Variants in SOCS5 observed in about 807,000 individuals in gnomAD.
The protein encoded by SOCS5 is suppressor of cytokine signaling 5, also known as CIS-6.
In SOCS5, 32 loss-of-function variants were observed where a neutral mutation model predicts 42.8. The ratio of observed to expected loss-of-function variants is 0.75; its 90% CI spans 0.56 to 1.01. The LOEUF is 1.01. SOCS5 is among the 50% of genes least tolerant of loss of function. The pLI is 0.00. For synonymous variants in SOCS5, 283 were observed against 229.6 expected (o/e 1.23, Z -2.10); for missense variants, 627 against 653.0 (o/e 0.96, Z 0.43).
chr2:46,738,072 G>A (rs1238534602), intron 1 of SOCS5, among the ~76,000 whole-genome samples: 1 of 152,190 alleles, frequency 6.6e-6, no homozygotes, highest in East Asian at 1.9e-4. Flanking sequence ...ACTTGATGTA[G>A]ATGTTAAAAT....
intron 1 of SOCS5, among the ~76,000 whole-genome samples, chr2:46,727,561 T>C (rs940687379): frequency 6.6e-6 from 1 of 152,158 alleles, no homozygotes; most frequent in African/African-American, 2.4e-5. Context: ...CTGTGGGTGG[T>C]GATTTCAATG....
At chr2:46,739,793 A>G (rs1259314506) in intron 1 of SOCS5, among the ~76,000 whole-genome samples, 1 of 152,236 alleles carries the variant, frequency 6.6e-6, no homozygotes, top group South Asian at 2.1e-4. Flanking sequence ...ACACATATGT[A>G]TACATGTCAG....
At chr2:46,731,474 AAATACT>A (rs1490705320) in intron 1 of SOCS5, among the ~76,000 whole-genome samples, 11 of 152,354 alleles carry the variant, frequency 7.2e-5, no homozygotes, top group South Asian at 4.1e-4. Flanking sequence ...GACAGCCAGA[AAATACT>A]AATACTAAGA....
At chr2:46,726,311 T>C (rs570218639) in intron 1 of SOCS5, among the ~76,000 whole-genome samples, 1 of 152,214 alleles carries the variant, frequency 6.6e-6, no homozygotes, top group Non-Finnish European at 1.5e-5. Flanking sequence ...CTGGCCAGAC[T>C]GATCTAAAAC....
At chr2:46,731,484 A>G (rs1286165516) in intron 1 of SOCS5, among the ~76,000 whole-genome samples, 1 of 152,240 alleles carries the variant, frequency 6.6e-6, no homozygotes, top group African/African-American at 2.4e-5. Context: ...AAATACTAAT[A>G]CTAAGACAAG....
intron 1 of SOCS5, among the ~76,000 whole-genome samples, chr2:46,706,943 A>G (rs1672506608): frequency 6.6e-6 from 1 of 152,236 alleles, no homozygotes; most frequent in Admixed American, 6.5e-5. Flanking sequence ...TTGGAATCTC[A>G]GAGTGAGATT....
chr2:46,726,818 G>A (rs910969956), intron 1 of SOCS5, among the ~76,000 whole-genome samples: 8 of 150,128 alleles, frequency 5.3e-5, no homozygotes, highest in Admixed American at 2.0e-4. Context: ...GTGCAATGGC[G>A]CGATCTTGGC....
intron 1 of SOCS5, among the ~76,000 whole-genome samples, chr2:46,701,667 G>T (rs1322467472): frequency 6.6e-6 from 1 of 151,292 alleles, no homozygotes; most frequent in Admixed American, 6.6e-5. Context: ...TGTAAAACTG[G>T]GTGAGCTTTT....
intron 1 of SOCS5, among the ~76,000 whole-genome samples, chr2:46,724,423 G>T (rs541366371): frequency 4.6e-5 from 7 of 151,872 alleles, no homozygotes; most frequent in Non-Finnish European, 8.8e-5. Context: ...TGTGATTTGG[G>T]TTTGTTTTGC....
intron 1 of SOCS5, among the ~76,000 whole-genome samples, chr2:46,723,572 T>C (rs754697160): frequency 5.3e-5 from 8 of 152,058 alleles, no homozygotes; most frequent in Non-Finnish European, 1.2e-4. Context: ...TCTTGCACTG[T>C]TGTCAGAAAT....
intron 1 of SOCS5, among the ~76,000 whole-genome samples, chr2:46,743,211 GTTC>G (rs1673417690): frequency 6.6e-6 from 1 of 152,074 alleles, no homozygotes; most frequent in South Asian, 2.1e-4. Flanking sequence ...CCAAGAGAAA[GTTC>G]TTGAGTCTTG....
chr2:46,755,731 A>G (rs1433388851), intron 1 of SOCS5, among the ~76,000 whole-genome samples: 3 of 152,162 alleles, frequency 2.0e-5, no homozygotes, highest in African/African-American at 7.2e-5. Flanking sequence ...TAGAGTTGTA[A>G]TTTAGATCTC....
chr2:46,749,993 G>A (rs1374705346), intron 1 of SOCS5, among the ~76,000 whole-genome samples: 2 of 152,124 alleles, frequency 1.3e-5, no homozygotes, highest in Admixed American at 1.3e-4. Context: ...TCTCCTATGA[G>A]CCATTTTATG....
At chr2:46,727,296 T>C (rs1482508324) in intron 1 of SOCS5, among the ~76,000 whole-genome samples, 2 of 152,116 alleles carry the variant, frequency 1.3e-5, no homozygotes, top group African/African-American at 2.4e-5. Context: ...ATTTTTATAA[T>C]AGCTGCTTTA....
intron 1 of SOCS5, among the ~76,000 whole-genome samples, chr2:46,719,895 C>T (rs943561552): frequency 1.3e-5 from 2 of 152,102 alleles, no homozygotes; most frequent in African/African-American, 4.8e-5. Context: ...TCAGTTTGGT[C>T]AGGGCACTGA....
intron 1 of SOCS5, among the ~76,000 whole-genome samples, chr2:46,727,960 A>G (rs1181137136): frequency 6.6e-6 from 1 of 152,048 alleles, no homozygotes; most frequent in Admixed American, 6.5e-5. Context: ...TGATGGAGAG[A>G]GGTTGCCTAC....
At chr2:46,720,975 C>T (rs1385936765) in intron 1 of SOCS5, among the ~76,000 whole-genome samples, 3 of 152,166 alleles carry the variant, frequency 2.0e-5, no homozygotes, top group African/African-American at 4.8e-5. Flanking sequence ...GTCCGTTCTG[C>T]TCCTGCCTGC....
intron 1 of SOCS5, among the ~76,000 whole-genome samples, chr2:46,730,786 A>T (rs1673099365): frequency 6.6e-6 from 1 of 152,204 alleles, no homozygotes; most frequent in Non-Finnish European, 1.5e-5. Flanking sequence ...ATCAGTCTAT[A>T]ATTCTCATTT....
Position 46,759,912 on chromosome 2 carries a change from A to T in SOCS5, c.1382A>T (p.Asp461Val). ...ACGGGACTTTTAGAACATTATAAAG[A>T]TCCCAGTTCGTGCATGTTTTTTGAA... ...TVTGLLEHYKDPSSCMFFEPL... is the reference protein window; with the variant it reads ...TVTGLLEHYKVPSSCMFFEPL... Residue 461 changes from aspartate (D) to valine (V), a missense_variant, in exon 2 of 2, where the codon GAT becomes GTT. Coordinates refer to ENST00000394861, the MANE Select transcript of SOCS5 (RefSeq NM_144949.3). The T allele has an allele frequency of 6.2e-7, 1 of 1,614,118 alleles. No homozygotes were observed. The highest frequency in any genetic ancestry group is 8.5e-7 in the Non-Finnish European group (1 of 1,180,014).
Sources: allele counts gnomAD v4.1 joint callset (sites outside exome capture counted in the v4.1 genomes callset), GRCh38; gene constraint gnomAD v4.1.1; transcripts MANE v1.5; gene names NCBI Gene and HGNC (gene_info 2026-07-23, HGNC 2026-07-21).